The following BPI variants were observed in gnomAD, a reference collection of about 807,000 sequenced individuals.
The protein encoded by BPI is bactericidal permeability-increasing protein.
A neutral mutation model predicts 57.6 loss-of-function variants in BPI; 48 were observed. The observed-to-expected ratio is 0.83, with a 90% CI of 0.66 to 1.06. The LOEUF is 1.06. BPI is among the 50% of genes least tolerant of loss of function. The pLI, the probability that BPI is intolerant of heterozygous loss-of-function variation, is 0.00. For missense variants in BPI, 651 were observed against 609.7 expected (o/e 1.07, Z -0.71); for synonymous variants, 237 against 238.2 (o/e 0.99, Z 0.05).
intron 3 of BPI, among the ~76,000 whole-genome samples, chr20:38,310,148 GAC>G (rs1156578695): frequency 2.0e-5 from 3 of 152,232 alleles, no homozygotes; most frequent in Non-Finnish European, 1.5e-5. Context: ...GCAAAGCTGA[GAC>G]ACACACTCTG....
chr20:38,314,869 G>C (rs1439691440), intron 5 of BPI, among the ~76,000 whole-genome samples: 3 of 151,504 alleles, frequency 2.0e-5, no homozygotes, highest in African/African-American at 7.3e-5. Flanking sequence ...TGATGATGAT[G>C]GTGATGGTGA....
At chr20:38,319,008 G>T (rs6123585) in intron 6 of BPI, among the ~76,000 whole-genome samples, 1 of 152,058 alleles carries the variant, frequency 6.6e-6, no homozygotes, top group Non-Finnish European at 1.5e-5. Context: ...GCCAAGGCAG[G>T]CGGACCACCT....
Position 38,320,240 on chromosome 20 carries a change from C to T in BPI, c.722C>T (p.Ala241Val), listed in dbSNP as rs2076674401. ...AACTATGGTCTGGTGGCACCTCCAG[C>T]AACCACGGCTGAGACCCTGGATGTA... ...GINYGLVAPP[A>V]TTAETLDVQM... The change falls in exon 7 of 15, where the codon GCA (alanine) becomes GTA (valine). Residue 241 changes from alanine to valine, a missense_variant. Physicochemically the swap from Ala to Val is moderately conservative, Grantham distance 64 (BLOSUM62 0). Transcript: ENST00000642449. 1 of 1,614,120 alleles carries T rather than the reference C, an allele frequency of 6.2e-7. No individual in the cohort carries two copies. Among genetic ancestry groups the T allele is most frequent in the South Asian group, 1.1e-5 (1 of 91,076 alleles).
intron 5 of BPI, among the ~76,000 whole-genome samples, chr20:38,316,477 G>T (rs900570053): frequency 6.6e-6 from 1 of 152,218 alleles, no homozygotes; most frequent in Non-Finnish European, 1.5e-5. Context: ...GTAAGGCCTG[G>T]GTACTGGCCA....
chr20:38,318,336 A>G, intron 5 of BPI, 77 bp from the exon 6 acceptor site: 6 of 1,442,850 alleles, frequency 4.2e-6, no homozygotes, highest in Non-Finnish European at 5.9e-6. Flanking sequence ...AAAGCAAGGC[A>G]TATCTGGCCC....
intron 1 of BPI, among the ~76,000 whole-genome samples, chr20:38,305,383 C>T (rs1414458086): frequency 6.6e-6 from 1 of 152,172 alleles, no homozygotes. Context: ...TCCCCTTCTA[C>T]CCAGGCCCCT....
At chr20:38,335,492 G>A (rs534436054) in intron 13 of BPI, 106 bp from the exon 14 acceptor site, 1 of 1,020,566 alleles carries the variant, frequency 9.8e-7, no homozygotes, top group South Asian at 1.3e-5. Flanking sequence ...CCTAGGGCCA[G>A]GCATGCTGGT....
chr20:38,327,225 C>T (rs1418704149), intron 10 of BPI, among the ~76,000 whole-genome samples: 1 of 152,200 alleles, frequency 6.6e-6, no homozygotes, highest in Non-Finnish European at 1.5e-5. Context: ...TCATCCAAGA[C>T]CACACAGACT....
intron 9 of BPI, among the ~76,000 whole-genome samples, chr20:38,325,565 G>T (rs1281310252): frequency 1.3e-5 from 2 of 152,146 alleles, no homozygotes; most frequent in Non-Finnish European, 2.9e-5. Context: ...CAACTGTTAT[G>T]AACTCACTTA....
intron 5 of BPI, among the ~76,000 whole-genome samples, chr20:38,316,478 G>C (rs577346244): frequency 6.6e-6 from 1 of 152,354 alleles, no homozygotes; most frequent in Non-Finnish European, 1.5e-5. Flanking sequence ...TAAGGCCTGG[G>C]TACTGGCCAC....
chr20:38,336,300 G>A (rs1296560369), intron 14 of BPI, among the ~76,000 whole-genome samples: 1 of 151,952 alleles, frequency 6.6e-6, no homozygotes, highest in East Asian at 1.9e-4. Context: ...CCCGCCATTG[G>A]CAAGCCTTCG....
At chr20:38,311,985 T>A in intron 5 of BPI, 48 bp downstream of exon 5, 1 of 1,556,104 alleles carries the variant, frequency 6.4e-7, no homozygotes. Flanking sequence ...GAAGGGCCCT[T>A]AGTAACCACA....
intron 7 of BPI, chr20:38,321,934 A>G (rs1374828033): frequency 1.3e-5 from 2 of 152,222 alleles, no homozygotes; most frequent in Non-Finnish European, 2.9e-5. Context: ...AACCCACAAT[A>G]TAGAAACAGG....
intron 10 of BPI, 110 bp downstream of exon 10, chr20:38,326,542 G>A: frequency 7.6e-7 from 1 of 1,307,838 alleles, no homozygotes; most frequent in Non-Finnish European, 1.0e-6. Flanking sequence ...CCTGGACTGT[G>A]TCACTCCGGA....
intron 6 of BPI, among the ~76,000 whole-genome samples, chr20:38,319,533 G>A (rs1486024778): frequency 6.6e-6 from 1 of 152,242 alleles, no homozygotes; most frequent in Non-Finnish European, 1.5e-5. Flanking sequence ...TTGGCCTCAA[G>A]AGGCAGGAAA....
chr20:38,333,390 G>A (rs2076751526), intron 12 of BPI, among the ~76,000 whole-genome samples: 1 of 152,224 alleles, frequency 6.6e-6, no homozygotes, highest in South Asian at 2.1e-4. Context: ...CACAACTACA[G>A]GCAAGCATCT....
At chr20:38,326,981 A>G (rs1342791875) in intron 10 of BPI, among the ~76,000 whole-genome samples, 2 of 152,194 alleles carry the variant, frequency 1.3e-5, no homozygotes, top group Non-Finnish European at 2.9e-5. Flanking sequence ...TTCAATTCAC[A>G]TATTTTTTAA....
At chr20:38,304,594 C>T (rs867838585) in intron 1 of BPI, among the ~76,000 whole-genome samples, 1 of 152,218 alleles carries the variant, frequency 6.6e-6, no homozygotes, top group African/African-American at 2.4e-5. Context: ...AGTGCTCAGA[C>T]CCCTGAGGGT....
intron 5 of BPI, among the ~76,000 whole-genome samples, chr20:38,314,338 T>A (rs1276490389): frequency 2.0e-5 from 3 of 150,120 alleles, no homozygotes; most frequent in African/African-American, 7.4e-5. Context: ...GGGATGATGA[T>A]GGTGGTGATG....
Sources: gnomAD v4.1 joint callset for allele counts (sites outside exome capture counted in the v4.1 genomes callset) on GRCh38, gnomAD v4.1.1 for gene constraint, MANE v1.5 for transcripts, NCBI Gene and HGNC (gene_info 2026-07-23, HGNC 2026-07-21) for gene names.